TAF15: variants seen among roughly 807,000 people sequenced by gnomAD.
TAF15 encodes TATA-box binding protein associated factor 15.
Under a neutral mutation model 102.5 loss-of-function variants are expected in TAF15, and 37 were observed. That is an observed-to-expected ratio of 0.36 (90% confidence interval 0.28 to 0.47). TAF15 has a LOEUF of 0.47. Among genes scored for constraint, TAF15 ranks in the 20% least tolerant of loss-of-function variants. The probability of loss-of-function intolerance (pLI) is 0.99; values close to 1 mark genes in which losing one functional copy is unlikely to be tolerated. For synonymous variants in TAF15, 273 were observed against 259.2 expected, an observed-to-expected ratio of 1.05 and a Z score of -0.51; for missense variants, 652 against 760.7, an observed-to-expected ratio of 0.86 and a Z score of 1.68.
rs1351821253 is a variant in TAF15, at chr17:35,822,701, C to G, written c.352C>G (p.Gln118Glu). ...CTATGGTCAACAAGATTCATATGAC[C>G]AGCAGTCAGGCTATGATCAACATCA... ...PDYGQQDSYD[Q>E]QSGYDQHQGS... is the part of the protein sequence containing the mutation. Residue 118 changes from glutamine to glutamate, a missense_variant, in exon 6 of 16, where the codon CAG becomes GAG. Gln to Glu is a conservative substitution (Grantham distance 29). Transcript: ENST00000605844. 3.1e-6 allele frequency: 5 copies of G among 1,614,004 alleles called. No individual in the cohort carries two copies. Among genetic ancestry groups the G allele is most frequent in the Non-Finnish European group, 4.2e-6 (5 of 1,180,024 alleles).
intron 11 of TAF15, among the ~76,000 whole-genome samples, chr17:35,840,486 T>C (rs1307917429): frequency 3.3e-5 from 5 of 150,644 alleles, no homozygotes; most frequent in Non-Finnish European, 5.9e-5. Flanking sequence ...TCTCCTGACC[T>C]CGTGATCCAC....
chr17:35,833,145 A>C (rs1274637066), intron 7 of TAF15, among the ~76,000 whole-genome samples: 2 of 147,362 alleles, frequency 1.4e-5, no homozygotes, highest in African/African-American at 2.6e-5. Flanking sequence ...TGACAGAGCG[A>C]GACTCTGTCT....
chr17:35,817,669 G>GAACCATAATTTTA, intron 1 of TAF15, 47 bp from the exon 2 acceptor site: 2 of 1,562,342 alleles, frequency 1.3e-6, no homozygotes, highest in East Asian at 4.5e-5. Flanking sequence ...GCCTTTGAAG[G>GAACCATAATTTTA]AACCATAATT....
intron 5 of TAF15, 86 bp downstream of exon 5, chr17:35,820,523 T>A: frequency 3.9e-6 from 5 of 1,288,572 alleles, no homozygotes; most frequent in Non-Finnish European, 5.4e-6. Flanking sequence ...AAATCCTAGC[T>A]TTAAACTTTT....
rs2143835995 is a variant in TAF15 at position 35,844,911 on chromosome 17, G to A, written c.1612G>A (p.Gly538Ser). Residue 538 changes from glycine (G) to serine (S), a missense_variant, in exon 15 of 16, where the codon GGC becomes AGC. Around this residue, in one of 3 missense-constraint regions of TAF15, gnomAD observed 368 missense variants for 367.5 expected, o/e 1.00. Transcript: ENST00000605844. Reference sequence around the variant, plus strand: ...GGGCTATGGAGGAGACCGTGGTGGTGGCAGTGGCTACGGTGGAGACCGAAG... The same window carrying A: ...GGGCTATGGAGGAGACCGTGGTGGTAGCAGTGGCTACGGTGGAGACCGAAG... ...RGGYGGDRGGGSGYGGDRSGG... is the reference protein window; with the variant it reads ...RGGYGGDRGGSSGYGGDRSGG... The A allele has an allele frequency of 6.2e-7, 1 of 1,613,052 alleles. No homozygotes were observed. Among genetic ancestry groups the A allele is most frequent in the African/African-American group, 1.3e-5 (1 of 74,820 alleles).
Position 35,845,011 on chromosome 17 carries a change from G to T in TAF15, c.1712G>T (p.Gly571Val), listed in dbSNP as rs201536163. 5.6e-6 allele frequency: 9 copies of T among 1,614,122 alleles called. No individual in the cohort carries two copies. The East Asian group carries it at 2.0e-4, about 36-fold the overall frequency. The change falls in exon 15 of 16, where the codon GGT (glycine) becomes GTT (valine). Residue 571 changes from glycine to valine, a missense_variant. Physicochemically the swap from Gly to Val is moderately radical, Grantham distance 109 (BLOSUM62 -3). Around this residue, in one of 3 missense-constraint regions of TAF15, gnomAD observed 368 missense variants for 367.5 expected, o/e 1.00. Transcript: ENST00000605844. ...DRGGGYGGDR[G>V]GYGGKMGGRN... ...GGTGGGGGCTACGGAGGAGACCGAG[G>T]TGGCTATGGAGGCAAAATGGGAGGA...
At chr17:35,816,530 GAACTATTTGAC>G (rs2087196617) in intron 1 of TAF15, among the ~76,000 whole-genome samples, 1 of 152,172 alleles carries the variant, frequency 6.6e-6, no homozygotes, top group Non-Finnish European at 1.5e-5. Context: ...GTGTGTTTTA[GAACTATTTGAC>G]AACAGTGATT....
Position 35,836,243 on chromosome 17 carries a change from T to C in TAF15, c.783+2T>C. On this transcript the variant is annotated splice_donor_variant, in intron 10 of 15. Transcript: ENST00000605844. LOFTEE classifies it high-confidence loss of function. ...TTTAAACAAATAGGAATTATCAAGG[T>C]GAGTAAAAATATTATATGTTGAAAA... 6.4e-7 allele frequency: 1 copy of C among 1,563,708 alleles called. No individual in the cohort carries two copies. The highest frequency in any genetic ancestry group is 1.7e-5 in the Admixed American group (1 of 59,952).
At position 35,834,560 on chromosome 17, in the gene TAF15, C is replaced by T; in HGVS notation, c.641-6C>T. The T allele has an allele frequency of 6.2e-7, 1 of 1,611,370 alleles. No individual in the cohort carries two copies. The highest frequency in any genetic ancestry group is 8.5e-7 in the Non-Finnish European group (1 of 1,179,120). ...AATAGCTCTTTTTTCTTTTCTTTTC[C>T]CTTAGGTCACAGGGATTATGGACCC... On this transcript the variant is annotated splice_polypyrimidine_tract_variant and splice_region_variant and intron_variant, in intron 8 of 15. Coordinates refer to ENST00000605844, the MANE Select transcript of TAF15 (RefSeq NM_139215.3).
intron 11 of TAF15, among the ~76,000 whole-genome samples, chr17:35,839,410 C>CT (rs2087515802): frequency 9.4e-6 from 1 of 106,532 alleles, no homozygotes; most frequent in Admixed American, 1.3e-4. Flanking sequence ...GAGACGGAGT[C>CT]TCGCTTTGTC....
chr17:35,846,835 G>A lies in TAF15; in HGVS notation c.1740-71G>A, dbSNP rs1385735294. 28 of 1,537,754 alleles carry A rather than the reference G, an allele frequency of 1.8e-5. No homozygotes were observed. In the Admixed American group the frequency reaches 4.7e-4, roughly 26 times the overall value. ...AGCTGATGCCAATCACTAGTACCCT[G>A]AAGAAGTGTCTAATGCTCCCCCTTC... On this transcript the variant is annotated intron_variant, in intron 15 of 15. Coordinates refer to ENST00000605844, the MANE Select transcript of TAF15 (RefSeq NM_139215.3).
At chr17:35,811,802 G>A (rs928447627) in intron 1 of TAF15, among the ~76,000 whole-genome samples, 1 of 152,188 alleles carries the variant, frequency 6.6e-6, no homozygotes, top group Non-Finnish European at 1.5e-5. Context: ...ATTCAAATCA[G>A]TTACACACAT....
At chr17:35,809,644 G>A (rs774560456) in intron 1 of TAF15, 68 bp downstream of exon 1, 125 of 1,607,602 alleles carry the variant, frequency 7.8e-5, no homozygotes, top group Non-Finnish European at 9.7e-5. Flanking sequence ...CTGTCTTCCC[G>A]CCCACCGGAG....
At chr17:35,814,251 C>T (rs1453616535) in intron 1 of TAF15, among the ~76,000 whole-genome samples, 1 of 151,810 alleles carries the variant, frequency 6.6e-6, no homozygotes, top group East Asian at 1.9e-4. Context: ...CTGCAAGCTC[C>T]GCCTCCTGGG....
chr17:35,816,356 T>A (rs2087194638), intron 1 of TAF15, among the ~76,000 whole-genome samples: 2 of 152,168 alleles, frequency 1.3e-5, no homozygotes, highest in African/African-American at 4.8e-5. Context: ...TAAAAATAGC[T>A]GGGCGTGGTG....
intron 7 of TAF15, among the ~76,000 whole-genome samples, chr17:35,831,888 C>A (rs1370668350): frequency 6.6e-6 from 1 of 151,734 alleles, no homozygotes; most frequent in Admixed American, 6.6e-5. Context: ...CGAGACCATC[C>A]TGGCCAACAC....
chr17:35,813,986 GTTTTT>G (rs200205553), intron 1 of TAF15, among the ~76,000 whole-genome samples: 1 of 148,096 alleles, frequency 6.8e-6, no homozygotes, highest in African/African-American at 2.6e-5. Flanking sequence ...TCTTTTTTCT[GTTTTT>G]TTTGTTGTTG....
chr17:35,810,488 G>C (rs2087112572), intron 1 of TAF15: 1 of 152,192 alleles, frequency 6.6e-6, no homozygotes, highest in Non-Finnish European at 1.5e-5. Flanking sequence ...TGATTTAGCA[G>C]ATCTAGCTGT....
intron 11 of TAF15, 87 bp downstream of exon 11, chr17:35,838,640 T>A (rs184209204): frequency 3.1e-6 from 5 of 1,587,406 alleles, no homozygotes; most frequent in Admixed American, 3.4e-5. Flanking sequence ...GTGACAGTGA[T>A]TATATTCATG....
Sources: gnomAD v4.1 joint callset for allele counts (sites outside exome capture counted in the v4.1 genomes callset) on GRCh38, gnomAD v4.1.1 for gene constraint, gnomAD v4.1.1 regional missense constraint, MANE v1.5 for transcripts, NCBI Gene and HGNC (gene_info 2026-07-23, HGNC 2026-07-21) for gene names.